The following ARHGAP42 variants were observed in gnomAD, a reference collection of about 807,000 sequenced individuals.
ARHGAP42 encodes rho GTPase-activating protein 42.
ARHGAP42 carries 63 observed loss-of-function variants against 125.0 expected under a neutral mutation model. The ratio of observed to expected loss-of-function variants is 0.50; its 90% CI spans 0.41 to 0.62. ARHGAP42 has a LOEUF of 0.62. Ranked by LOEUF, ARHGAP42 falls within the 20% of genes least tolerant of loss-of-function variation. The pLI is 0.00. For synonymous variants in ARHGAP42, 339 were observed against 351.0 expected, an observed-to-expected ratio of 0.97 and a Z score of 0.38; for missense variants, 766 against 1,024.2, an observed-to-expected ratio of 0.75 and a Z score of 3.44.
At position 100,949,971 on chromosome 11, in the gene ARHGAP42, T is replaced by G. The variant is rs1218967298; in HGVS notation, c.1162+15T>G. The G allele has an allele frequency of 5.7e-6, 8 of 1,391,508 alleles. No individual in the cohort carries two copies. In the Admixed American group the frequency reaches 1.3e-4, roughly 22 times the overall value. The allele number at this position is 1,391,508 out of a possible 1,614,324, so 86.2% of individuals were successfully genotyped here. A position where few individuals can be genotyped will look rare whatever the true frequency, so the allele number is the denominator to read the frequency against. ...GAAAGAAGAAAGTAAGTCATTTTAA[T>G]AGTTATTTAAAATTTTATCATGAAG... On this transcript the variant is annotated intron_variant, in intron 12 of 23. Coordinates refer to ENST00000298815, the MANE Select transcript of ARHGAP42 (RefSeq NM_152432.4).
At chr11:100,868,318 G>T (rs1865620423) in intron 4 of ARHGAP42, among the ~76,000 whole-genome samples, 1 of 152,198 alleles carries the variant, frequency 6.6e-6, no homozygotes, top group Non-Finnish European at 1.5e-5. Context: ...TAGTGGCACT[G>T]ATGTATATAA....
In ARHGAP42 at chr11:100,987,136, A is replaced by G. The variant is rs1015092100; in HGVS notation, c.2457-377A>G. 5.3e-5 allele frequency among the ~76,000 whole-genome samples: 8 copies of G among 151,942 alleles called. No individual in the cohort carries two copies. The East Asian group carries it at 7.7e-4, about 15-fold the overall frequency. ...GATAGTCTGAACATGAAAGTGGGGGAAAAAAAAGCTTTGGGGTACCTAGGA... is the reference window on the plus strand; with the variant it reads ...GATAGTCTGAACATGAAAGTGGGGGGAAAAAAAGCTTTGGGGTACCTAGGA... On this transcript the variant is annotated intron_variant, in intron 22 of 23. Transcript: ENST00000298815.
At chr11:100,903,714 ATATATATATAT>A (rs1289356595) in intron 4 of ARHGAP42, among the ~76,000 whole-genome samples, 1 of 17,424 alleles carries the variant, frequency 5.7e-5, no homozygotes. Context: ...CTCAAAATAT[ATATATATATAT>A]ATATATATAT....
At chr11:100,722,168 G>A (rs1033571661) in intron 1 of ARHGAP42, among the ~76,000 whole-genome samples, 3 of 152,172 alleles carry the variant, frequency 2.0e-5, no homozygotes, top group African/African-American at 7.2e-5. Flanking sequence ...TTTCATAGTT[G>A]TTTTATTTGC....
At chr11:100,856,837 C>CT (rs946399531) in intron 3 of ARHGAP42, among the ~76,000 whole-genome samples, 1 of 151,960 alleles carries the variant, frequency 6.6e-6, no homozygotes, top group Admixed American at 6.6e-5. Context: ...TGTGCCAAAT[C>CT]TATGCTAGTG....
chr11:100,800,810 T>C (rs138299087), intron 3 of ARHGAP42, among the ~76,000 whole-genome samples: 99 of 152,322 alleles, frequency 6.5e-4, no homozygotes, highest in African/African-American at 2.1e-3. Context: ...TCTAATGGAA[T>C]GCATTTCCAC....
Position 100,777,964 on chromosome 11 carries a change from C to G in ARHGAP42, c.250+7526C>G, listed in dbSNP as rs1460441097. ...TGCAGAAGCCATGGCGGGAGGAATG[C>G]TTGAGACCAGGAGTCCCAGACCATC... is the stretch of plus-strand genomic sequence containing the variant. On this transcript the variant is annotated intron_variant, in intron 2 of 23. Transcript: ENST00000298815. Among the ~76,000 whole-genome samples the G allele has an allele frequency of 2.0e-5, 3 of 152,208 alleles. No individual in the cohort carries two copies. The East Asian group carries it at 5.8e-4, about 29-fold the overall frequency.
intron 13 of ARHGAP42, 118 bp from the exon 14 acceptor site, chr11:100,960,797 A>G (rs576710460): frequency 2.4e-5 from 13 of 533,844 alleles, no homozygotes; most frequent in African/African-American, 1.6e-4. Flanking sequence ...CTAAAGTTAG[A>G]CTGTGAAATT....
At chr11:100,752,478 C>T (rs879604742) in intron 1 of ARHGAP42, among the ~76,000 whole-genome samples, 27 of 152,148 alleles carry the variant, frequency 1.8e-4, no homozygotes, top group Non-Finnish European at 3.4e-4. Flanking sequence ...TGGCTGTTCC[C>T]TTAATGTGGG....
At chr11:100,778,202 T>A (rs1863176674) in intron 2 of ARHGAP42, among the ~76,000 whole-genome samples, 1 of 151,966 alleles carries the variant, frequency 6.6e-6, no homozygotes, top group South Asian at 2.1e-4. Flanking sequence ...AACGGTGAAG[T>A]TGTTTGTAGC....
intron 4 of ARHGAP42, among the ~76,000 whole-genome samples, chr11:100,866,871 G>C (rs905494907): frequency 2.6e-5 from 4 of 152,146 alleles, no homozygotes; most frequent in African/African-American, 9.7e-5. Flanking sequence ...AGACTTGAAA[G>C]TCAAAATTAC....
chr11:100,969,970 T>C (rs1439805643), intron 17 of ARHGAP42, among the ~76,000 whole-genome samples: 1 of 152,050 alleles, frequency 6.6e-6, no homozygotes, highest in East Asian at 1.9e-4. Context: ...GCTTTTATTG[T>C]TGTTTGCTTG....
chr11:100,760,777 G>C (rs940625645), intron 1 of ARHGAP42, among the ~76,000 whole-genome samples: 56 of 152,230 alleles, frequency 3.7e-4, no homozygotes, highest in African/African-American at 1.3e-3. Flanking sequence ...GGACAGGATG[G>C]AGAAAGGAAG....
chr11:100,846,861 G>A (rs1278520518), intron 3 of ARHGAP42, among the ~76,000 whole-genome samples: 1 of 152,162 alleles, frequency 6.6e-6, no homozygotes, highest in African/African-American at 2.4e-5. Context: ...AAGTGGAACA[G>A]AGAGAAGGAT....
chr11:100,862,058 G>C (rs1248591668), intron 4 of ARHGAP42, among the ~76,000 whole-genome samples: 1 of 152,176 alleles, frequency 6.6e-6, no homozygotes, highest in Non-Finnish European at 1.5e-5. Flanking sequence ...CCTAGCACAA[G>C]GAGAGTCTTT....
intron 1 of ARHGAP42, among the ~76,000 whole-genome samples, chr11:100,751,696 C>T (rs142601093): frequency 5.8e-4 from 87 of 151,268 alleles, no homozygotes; most frequent in Middle Eastern, 3.5e-3. Flanking sequence ...GCTCTCCTAC[C>T]AGGCCAGCAG....
chr11:100,944,289 T>TAATGCCTCCAG (rs879598270), intron 10 of ARHGAP42, among the ~76,000 whole-genome samples: 2 of 152,110 alleles, frequency 1.3e-5, no homozygotes, highest in African/African-American at 2.4e-5. Context: ...CAACTAAGTT[T>TAATGCCTCCAG]AATGCCTCCA....
intron 1 of ARHGAP42, among the ~76,000 whole-genome samples, chr11:100,740,576 G>A (rs1862163081): frequency 6.6e-6 from 1 of 152,188 alleles, no homozygotes; most frequent in African/African-American, 2.4e-5. Flanking sequence ...AAGCTTTATG[G>A]TATAGGGGGA....
At chr11:100,708,256 A>G (rs2120226786) in intron 1 of ARHGAP42, among the ~76,000 whole-genome samples, 1 of 152,356 alleles carries the variant, frequency 6.6e-6, no homozygotes, top group South Asian at 2.1e-4. Flanking sequence ...TCACACCTGC[A>G]ACACCAGCAC....
Sources: gnomAD v4.1 joint callset for allele counts (sites outside exome capture counted in the v4.1 genomes callset) on GRCh38, gnomAD v4.1.1 for gene constraint, MANE v1.5 for transcripts, NCBI Gene and HGNC (gene_info 2026-07-23, HGNC 2026-07-21) for gene names.